CTNNA1: variants seen among roughly 807,000 people sequenced by gnomAD.
CTNNA1 encodes catenin alpha-1.
CTNNA1 carries 37 observed loss-of-function variants against 98.4 expected under a neutral mutation model. The ratio of observed to expected loss-of-function variants is 0.38; its 90% CI spans 0.29 to 0.49. The LOEUF (loss-of-function observed/expected upper bound fraction) is 0.49, where lower values mean the gene tolerates loss of function less well. Among genes scored for constraint, CTNNA1 ranks in the 20% least tolerant of loss-of-function variants. The pLI is 0.95. For synonymous variants in CTNNA1, 404 were observed against 413.2 expected (o/e 0.98, Z 0.27); for missense variants, 761 against 1,147.2 (o/e 0.66, Z 4.86).
chr5:138,863,432 G>A (rs1764465859), intron 7 of CTNNA1, among the ~76,000 whole-genome samples: 1 of 152,068 alleles, frequency 6.6e-6, no homozygotes, highest in East Asian at 1.9e-4. Flanking sequence ...TTTTTGTAGA[G>A]ACAGAGTTTT....
At chr5:138,763,172 T>G (rs1752554903) in intron 1 of CTNNA1, among the ~76,000 whole-genome samples, 1 of 152,206 alleles carries the variant, frequency 6.6e-6, no homozygotes, top group South Asian at 2.1e-4. Context: ...CCAAGTTACA[T>G]AATCCTGTAT....
chr5:138,932,912 C>T, intron 17 of CTNNA1, 200 bp downstream of exon 17: 1 of 805,556 alleles, frequency 1.2e-6, no homozygotes, highest in Non-Finnish European at 2.2e-6. Flanking sequence ...CGGGGCACTG[C>T]AAGGGCTGAA....
chr5:138,823,278 A>G (rs1760220313), intron 5 of CTNNA1, among the ~76,000 whole-genome samples: 1 of 152,314 alleles, frequency 6.6e-6, no homozygotes, highest in Non-Finnish European at 1.5e-5. Context: ...GTCGCTTAGC[A>G]TATCTACTCA....
intron 7 of CTNNA1, chr5:138,872,863 A>G (rs1481040786): frequency 2.6e-5 from 14 of 533,074 alleles, no homozygotes; most frequent in Non-Finnish European, 3.9e-5. Context: ...AAAAATTAAA[A>G]ATACTTCAAC....
At chr5:138,859,352 T>G (rs909611056) in intron 7 of CTNNA1, among the ~76,000 whole-genome samples, 4 of 151,760 alleles carry the variant, frequency 2.6e-5, no homozygotes, top group African/African-American at 9.7e-5. Context: ...GATGGTTCTG[T>G]GAGTCTCATC....
chr5:138,868,042 A>AT (rs1764966522), intron 7 of CTNNA1, among the ~76,000 whole-genome samples: 1 of 152,168 alleles, frequency 6.6e-6, no homozygotes, highest in African/African-American at 2.4e-5. Flanking sequence ...GTGAGCCACC[A>AT]TGCCCCACCA....
At chr5:138,765,091 A>G (rs1752783524) in intron 1 of CTNNA1, among the ~76,000 whole-genome samples, 1 of 151,522 alleles carries the variant, frequency 6.6e-6, no homozygotes, top group Admixed American at 6.6e-5. Flanking sequence ...CCCAGATTGG[A>G]GTGCAATGGC....
chr5:138,861,941 G>A (rs1764323681), intron 7 of CTNNA1, among the ~76,000 whole-genome samples: 1 of 152,200 alleles, frequency 6.6e-6, no homozygotes, highest in Admixed American at 6.5e-5. Flanking sequence ...TGGGAAAGTA[G>A]AGAAAAGTTG....
At chr5:138,900,223 G>T (rs947803774) in intron 9 of CTNNA1, among the ~76,000 whole-genome samples, 9 of 152,094 alleles carry the variant, frequency 5.9e-5, no homozygotes, top group African/African-American at 2.2e-4. Flanking sequence ...AGAAAACTCG[G>T]GTGCTAGCTT....
intron 7 of CTNNA1, among the ~76,000 whole-genome samples, chr5:138,838,738 G>A (rs141057198): frequency 3.3e-5 from 5 of 152,146 alleles, no homozygotes; most frequent in Non-Finnish European, 7.4e-5. Context: ...GTCTGCATCC[G>A]ATAAATTCTG....
chr5:138,781,228 C>T (rs1265216453), intron 1 of CTNNA1, among the ~76,000 whole-genome samples: 1 of 152,168 alleles, frequency 6.6e-6, no homozygotes, highest in African/African-American at 2.4e-5. Flanking sequence ...TCAGGATCTT[C>T]TGTATTCGTT....
chr5:138,803,435 T>C (rs1327801427), intron 3 of CTNNA1, among the ~76,000 whole-genome samples: 1 of 152,226 alleles, frequency 6.6e-6, no homozygotes, highest in African/African-American at 2.4e-5. Context: ...AGATCACAGA[T>C]GTGAGCCACC....
intron 13 of CTNNA1, among the ~76,000 whole-genome samples, chr5:138,927,843 C>T (rs528755773): frequency 6.6e-6 from 1 of 152,190 alleles, no homozygotes; most frequent in South Asian, 2.1e-4. Context: ...TTGAAAAGCC[C>T]CTTAACTGAT....
intron 7 of CTNNA1, 173 bp downstream of exon 7, chr5:138,827,891 C>G: frequency 1.5e-6 from 1 of 674,786 alleles, no homozygotes; most frequent in Non-Finnish European, 2.5e-6. Flanking sequence ...TGGCTCTTTC[C>G]TCTCTCCAGC....
Position 138,827,717 on chromosome 5 carries a change from A to G in CTNNA1, c.1061A>G (p.Asn354Ser), listed in dbSNP as rs777714654. The stretch of plus-strand genomic sequence containing the variant: ...GACCTGCTTTCGGAGTACATGGGCA[A>G]TGTGAGTTTGACAGCTTTTCTTTGA... The part of the protein sequence containing the change: ...LQDLLSEYMG[N>S]AGRKERSDAL... Residue 354 changes from asparagine to serine, a missense_variant and splice_region_variant, in exon 7 of 18, where the codon AAT (asparagine) becomes AGT (serine). By Grantham distance (46) the Asn-to-Ser change is conservative. This residue lies in a region of CTNNA1 where 287 missense variants were observed against 436.0 expected (regional missense o/e 0.66). Coordinates refer to ENST00000302763, the MANE Select transcript of CTNNA1 (RefSeq NM_001903.5). 3 of 1,614,096 alleles carry G rather than the reference A, an allele frequency of 1.9e-6. No homozygotes were observed. The highest frequency in any genetic ancestry group is 1.1e-5 in the South Asian group (1 of 91,078).
chr5:138,758,907 G>A (rs200831225), intron 1 of CTNNA1, among the ~76,000 whole-genome samples: 3 of 151,864 alleles, frequency 2.0e-5, no homozygotes, highest in South Asian at 4.2e-4. Context: ...GGCTTTAAGC[G>A]ATTCTCCTGC....
At position 138,873,689 on chromosome 5, in the gene CTNNA1, C is replaced by T. The variant is rs1165795026; in HGVS notation, c.1063-12523C>T. ...GGAGTTTAAGATCTTGGAATCAAGG[C>T]TGTTTAACTTGTTGTTATCCATGAG... is the stretch of plus-strand genomic sequence containing the variant. On this transcript the variant is annotated intron_variant, in intron 7 of 17. Transcript: ENST00000302763. This position sits in a 1 kb window ranked among gnomAD's most constrained non-coding sequence, Gnocchi z 6.1. The T allele has an allele frequency of 6.2e-7, 1 of 1,614,018 alleles. No homozygotes were observed. The highest frequency in any genetic ancestry group is 1.7e-5 in the Admixed American group (1 of 60,020).
intron 7 of CTNNA1, among the ~76,000 whole-genome samples, chr5:138,866,434 G>A (rs1304928199): frequency 6.6e-6 from 1 of 151,974 alleles, no homozygotes; most frequent in Admixed American, 6.6e-5. Flanking sequence ...CACCTCTTCT[G>A]TGTGGTTTTT....
At chr5:138,788,155 C>G (rs1278956856) in intron 3 of CTNNA1, among the ~76,000 whole-genome samples, 1 of 152,116 alleles carries the variant, frequency 6.6e-6, no homozygotes, top group Non-Finnish European at 1.5e-5. Context: ...TGTCTTAGCG[C>G]TTATCACAGT....
Sources: allele counts gnomAD v4.1 joint callset (sites outside exome capture counted in the v4.1 genomes callset), GRCh38; gene constraint gnomAD v4.1.1; regional missense constraint gnomAD v4.1.1; non-coding constraint Gnocchi (gnomAD v3.1); transcripts MANE v1.5; gene names NCBI Gene and HGNC (gene_info 2026-07-23, HGNC 2026-07-21).